The following CNTN3 variants were observed in gnomAD, a reference collection of about 807,000 sequenced individuals.
The protein encoded by CNTN3 is contactin-3.
Under a neutral mutation model 119.1 loss-of-function variants are expected in CNTN3, and 60 were observed. The observed-to-expected ratio is 0.50, with a 90% CI of 0.41 to 0.62. CNTN3 has a LOEUF of 0.62. Among genes scored for constraint, CNTN3 ranks in the 20% least tolerant of loss-of-function variants. The pLI is 0.00. For synonymous variants in CNTN3, 450 were observed against 438.7 expected, an observed-to-expected ratio of 1.03 and a Z score of -0.32; for missense variants, 1,101 against 1,242.4, an observed-to-expected ratio of 0.89 and a Z score of 1.71.
chr3:74,298,790 G>A (rs7638031), intron 17 of CNTN3, among the ~76,000 whole-genome samples: 5,470 of 151,440 alleles, frequency 0.036, 290 homozygotes, highest in African/African-American at 0.11. Context: ...CCAGCTACTC[G>A]GGAGGCTGAG....
At chr3:74,384,466 C>G (rs1054979757) in intron 5 of CNTN3, among the ~76,000 whole-genome samples, 3 of 152,250 alleles carry the variant, frequency 2.0e-5, no homozygotes, top group Non-Finnish European at 4.4e-5. Flanking sequence ...CCAGAATAAA[C>G]TTACCTAGGA....
chr3:74,606,591 G>A (rs1418626871), intron 1 of CNTN3, among the ~76,000 whole-genome samples: 3 of 151,862 alleles, frequency 2.0e-5, no homozygotes, highest in South Asian at 4.2e-4. Context: ...TCAAAACTCA[G>A]AAAAATGCCC....
At chr3:74,578,877 T>C (rs932870065) in intron 1 of CNTN3, among the ~76,000 whole-genome samples, 5 of 152,056 alleles carry the variant, frequency 3.3e-5, no homozygotes, top group African/African-American at 9.7e-5. Flanking sequence ...CATTGGTCTA[T>C]GTATAAATAC....
At chr3:74,576,571 G>A (rs915196660) in intron 1 of CNTN3, among the ~76,000 whole-genome samples, 1 of 152,010 alleles carries the variant, frequency 6.6e-6, no homozygotes, top group African/African-American at 2.4e-5. Context: ...TAGAAAAGAG[G>A]TTCTTTTTAT....
At chr3:74,460,947 T>C (rs1034985612) in intron 4 of CNTN3, among the ~76,000 whole-genome samples, 28 of 151,432 alleles carry the variant, frequency 1.8e-4, no homozygotes, top group African/African-American at 6.5e-4. Context: ...CCATTCAGTT[T>C]CCTACCATTA....
At chr3:74,313,500 G>C (rs2106646017) in intron 13 of CNTN3, among the ~76,000 whole-genome samples, 1 of 152,248 alleles carries the variant, frequency 6.6e-6, no homozygotes, top group African/African-American at 2.4e-5. Context: ...CCATAGAGAG[G>C]TGTGGAAGCC....
rs1045216041 is a variant in CNTN3, at chr3:74,472,616, G to A, written c.358+13840C>T. On this transcript the variant is annotated intron_variant, in intron 4 of 22. Coordinates refer to ENST00000263665, the MANE Select transcript of CNTN3 (RefSeq NM_020872.3). ...TTAGTGATAAAATGTTAATCTCAACGGAAACTTGGTTTTAAAAAGTCACAA... is the reference window on the plus strand; with the variant it reads ...TTAGTGATAAAATGTTAATCTCAACAGAAACTTGGTTTTAAAAAGTCACAA... 2.6e-5 allele frequency among the ~76,000 whole-genome samples: 4 copies of A among 152,282 alleles called. No individual in the cohort carries two copies. In the East Asian group the frequency reaches 5.8e-4, roughly 22 times the overall value.
chr3:74,312,886 T>C lies in CNTN3; in HGVS notation c.1669-10079A>G, dbSNP rs528382224. Among the ~76,000 whole-genome samples, 12 of 152,168 alleles carry C rather than the reference T, an allele frequency of 7.9e-5. No individual in the cohort carries two copies. The East Asian group carries it at 2.1e-3, about 27-fold the overall frequency. Reference sequence around the variant, plus strand: ...AATGCTGGAATTATGAGACCAGGAATTTTAAAATTCTATGATTAATGTATT... The same window carrying C: ...AATGCTGGAATTATGAGACCAGGAACTTTAAAATTCTATGATTAATGTATT... On this transcript the variant is annotated intron_variant, in intron 13 of 22. Coordinates refer to ENST00000263665, the MANE Select transcript of CNTN3 (RefSeq NM_020872.3).
At chr3:74,293,894 GA>G in intron 19 of CNTN3, among the ~76,000 whole-genome samples, 1 of 152,282 alleles carries the variant, frequency 6.6e-6, no homozygotes, top group Non-Finnish European at 1.5e-5. Flanking sequence ...CTTAGTTTGA[GA>G]AGTCTGAACT....
intron 20 of CNTN3, among the ~76,000 whole-genome samples, chr3:74,279,003 G>T (rs1701939758): frequency 6.6e-6 from 1 of 152,050 alleles, no homozygotes; most frequent in South Asian, 2.1e-4. Flanking sequence ...ACCAACATAT[G>T]AAAAAATGCT....
chr3:74,467,892 T>C (rs1702493397), intron 4 of CNTN3, among the ~76,000 whole-genome samples: 1 of 152,198 alleles, frequency 6.6e-6, no homozygotes, highest in African/African-American at 2.4e-5. Flanking sequence ...AACAGGCAGA[T>C]GATTTCTAAG....
intron 11 of CNTN3, among the ~76,000 whole-genome samples, chr3:74,351,209 C>A (rs1703804807): frequency 6.6e-6 from 1 of 152,220 alleles, no homozygotes. Flanking sequence ...TTATTCTGAT[C>A]TTTGCAATCC....
In CNTN3 at chr3:74,472,577, C is replaced by T. The variant is rs142500339; in HGVS notation, c.358+13879G>A. Among the ~76,000 whole-genome samples, 244 of 152,224 alleles carry T rather than the reference C, an allele frequency of 1.6e-3. 1 individual carries two copies. Among genetic ancestry groups the T allele is most frequent in the South Asian group, 7.7e-3 (37 of 4,828 alleles). ...CATTTATATGGAAAGACATAAAATA[C>T]ACAGGCTGAGAAGTTAGTGATAAAA... On this transcript the variant is annotated intron_variant, in intron 4 of 22. Coordinates refer to ENST00000263665, the MANE Select transcript of CNTN3 (RefSeq NM_020872.3).
rs139339365 is a variant in CNTN3 at position 74,348,532 on chromosome 3, G to A, written c.1365-11874C>T. Among the ~76,000 whole-genome samples the A allele has an allele frequency of 6.2e-3, 939 of 152,176 alleles. 13 individuals carry two copies. Among genetic ancestry groups the A allele is most frequent in the African/African-American group, 0.021 (891 of 41,488 alleles). On this transcript the variant is annotated intron_variant, in intron 11 of 22. Coordinates refer to ENST00000263665, the MANE Select transcript of CNTN3 (RefSeq NM_020872.3). Reference sequence around the variant, plus strand: ...TTTAGCTGCCCTAGGTAGGCATTATGACTCTTGCTGAGGCCATGATAGCAT... The same window carrying A: ...TTTAGCTGCCCTAGGTAGGCATTATAACTCTTGCTGAGGCCATGATAGCAT...
intron 4 of CNTN3, among the ~76,000 whole-genome samples, chr3:74,445,939 A>C (rs1159605643): frequency 2.0e-5 from 3 of 152,206 alleles, no homozygotes; most frequent in Non-Finnish European, 2.9e-5. Flanking sequence ...TCATTCACAG[A>C]AACAGTAATG....
intron 13 of CNTN3, among the ~76,000 whole-genome samples, chr3:74,324,452 G>T (rs145483794): frequency 3.9e-5 from 6 of 152,086 alleles, no homozygotes; most frequent in Non-Finnish European, 8.8e-5. Context: ...CAAAGTGCTG[G>T]AATTACAGGC....
chr3:74,341,217 A>G (rs1440666787), intron 11 of CNTN3, among the ~76,000 whole-genome samples: 3 of 152,224 alleles, frequency 2.0e-5, no homozygotes, highest in African/African-American at 4.8e-5. Context: ...CAACATAAAA[A>G]TAAACAATAT....
intron 5 of CNTN3, among the ~76,000 whole-genome samples, chr3:74,391,802 C>T (rs553579594): frequency 7.9e-5 from 12 of 152,080 alleles, no homozygotes; most frequent in Admixed American, 3.3e-4. Flanking sequence ...GGACTACGTT[C>T]GCGTGCCACC....
chr3:74,550,172 C>T (rs527902484), intron 1 of CNTN3, among the ~76,000 whole-genome samples: 57 of 152,252 alleles, frequency 3.7e-4, no homozygotes, highest in African/African-American at 1.3e-3. Context: ...TAAATTCCTG[C>T]ACCTCATCTT....
Sources: gnomAD v4.1 joint callset for allele counts (sites outside exome capture counted in the v4.1 genomes callset) on GRCh38, gnomAD v4.1.1 for gene constraint, MANE v1.5 for transcripts, NCBI Gene and HGNC (gene_info 2026-07-23, HGNC 2026-07-21) for gene names.